ASMTL: variants seen among roughly 807,000 people sequenced by gnomAD.
ASMTL encodes the protein probable bifunctional dTTP/UTP pyrophosphatase/methyltransferase protein.
ASMTL carries 57 observed loss-of-function variants against 60.3 expected under a neutral mutation model. The ratio of observed to expected loss-of-function variants is 0.95; its 90% CI spans 0.76 to 1.18. ASMTL has a LOEUF of 1.18. Ranked by LOEUF, ASMTL falls within the 50% of genes most tolerant of loss-of-function variation. The pLI, the probability that ASMTL is intolerant of heterozygous loss-of-function variation, is 0.00. For synonymous variants in ASMTL, 419 were observed against 373.0 expected (o/e 1.12, Z -1.42); for missense variants, 981 against 852.6 (o/e 1.15, Z -1.88).
intron 1 of ASMTL, among the ~76,000 whole-genome samples, chrX:1,448,817 G>GCACTGCCATCTTGGACACA (rs1333586394): frequency 1.4e-4 from 21 of 150,170 alleles, no homozygotes; most frequent in African/African-American, 4.4e-4. Flanking sequence ...TCTTGGACAA[G>GCACTGCCATCTTGGACACA]CACTGCCATC....
At position 1,452,882 on chromosome X, in the gene ASMTL, G is replaced by A. The variant is rs1474353489; in HGVS notation, c.-42C>T. 3.5e-6 allele frequency: 5 copies of A among 1,429,398 alleles called. No homozygotes were observed. The highest frequency in any genetic ancestry group is 3.0e-5 in the African/African-American group (2 of 67,196). The allele number at this position is 1,429,398 out of a possible 1,614,324, so 88.5% of individuals were successfully genotyped here. A position where few individuals can be genotyped will look rare whatever the true frequency, so the allele number is the denominator to read the frequency against. On this transcript the variant is annotated 5_prime_UTR_variant, in exon 1 of 13. Coordinates refer to ENST00000381317, the MANE Select transcript of ASMTL (RefSeq NM_004192.4). Reference sequence around the variant, plus strand: ...GCCGGGCGTCCGCACTTCTGAGCCCGGAGCCCGCGGTGCGCGCAGCGCGGC... The same window carrying A: ...GCCGGGCGTCCGCACTTCTGAGCCCAGAGCCCGCGGTGCGCGCAGCGCGGC...
At chrX:1,406,907 CATAGATAGATGA>C (rs1195941202) in intron 12 of ASMTL, among the ~76,000 whole-genome samples, 2 of 113,614 alleles carry the variant, frequency 1.8e-5, no homozygotes, top group African/African-American at 7.2e-5. Flanking sequence ...ATGATGGGTA[CATAGATAGATGA>C]ATAGATGGAT....
intron 5 of ASMTL, among the ~76,000 whole-genome samples, chrX:1,434,629 C>A (rs1431137517): frequency 6.6e-6 from 1 of 151,206 alleles, no homozygotes; most frequent in African/African-American, 2.4e-5. Flanking sequence ...CATGGTGAAA[C>A]CCCGTCTCTA....
chrX:1,421,642 G>C lies in ASMTL; in HGVS notation c.1245+16C>G. ...GCACGCTAGACGGAAAGGTGTCCGC[G>C]GGGGTGTTATGCTACCTGGAACAGA... On this transcript the variant is annotated intron_variant, in intron 9 of 12. Transcript: ENST00000381317. The C allele has an allele frequency of 6.2e-7, 1 of 1,613,670 alleles. No homozygotes were observed. The highest frequency in any genetic ancestry group is 8.5e-7 in the Non-Finnish European group (1 of 1,179,682).
In ASMTL at chrX:1,421,647, T is replaced by G. The variant is rs769718552; in HGVS notation, c.1245+11A>C. Reference sequence around the variant, plus strand: ...CTAGACGGAAAGGTGTCCGCGGGGGTGTTATGCTACCTGGAACAGATCTTC... The same window carrying G: ...CTAGACGGAAAGGTGTCCGCGGGGGGGTTATGCTACCTGGAACAGATCTTC... On this transcript the variant is annotated intron_variant, in intron 9 of 12. Transcript: ENST00000381317. 2 of 1,613,458 alleles carry G rather than the reference T, an allele frequency of 1.2e-6. No individual in the cohort carries two copies. Among genetic ancestry groups the G allele is most frequent in the South Asian group, 2.2e-5 (2 of 91,042 alleles).
chrX:1,414,848 G>T (rs1296320634), intron 11 of ASMTL, among the ~76,000 whole-genome samples: 2 of 152,206 alleles, frequency 1.3e-5, no homozygotes, highest in African/African-American at 4.8e-5. Context: ...GGAACCTCTG[G>T]GGGAGGGTTG....
intron 1 of ASMTL, among the ~76,000 whole-genome samples, chrX:1,446,764 G>A (rs1196458932): frequency 1.3e-5 from 2 of 152,100 alleles, no homozygotes; most frequent in Non-Finnish European, 2.9e-5. Context: ...CTCCCAAACT[G>A]CTGGGATTAC....
intron 1 of ASMTL, among the ~76,000 whole-genome samples, chrX:1,448,300 ATAAG>A (rs2091274371): frequency 1.3e-5 from 2 of 148,986 alleles, no homozygotes; most frequent in Non-Finnish European, 3.0e-5. Flanking sequence ...GCCATCTTGG[ATAAG>A]CACCACCATC....
chrX:1,443,331 A>ACG (rs2091156401), intron 1 of ASMTL, among the ~76,000 whole-genome samples: 1 of 45,066 alleles, frequency 2.2e-5, no homozygotes, highest in African/African-American at 4.4e-5. Context: ...TTGGACACAC[A>ACG]CCGCCATCTT....
At chrX:1,410,741 G>C (rs757933747) in intron 12 of ASMTL, among the ~76,000 whole-genome samples, 1 of 38,782 alleles carries the variant, frequency 2.6e-5, no homozygotes, top group African/African-American at 7.2e-5. Context: ...AAATTAGCTG[G>C]GCATGGTGAT....
In ASMTL at chrX:1,427,907, C is replaced by T; in HGVS notation, c.724G>A (p.Glu242Lys). The change falls in exon 7 of 13, where the codon GAG becomes AAG. Residue 242 changes from glutamate to lysine, a missense_variant. Glu to Lys is a moderately conservative substitution (Grantham distance 56, BLOSUM62 1). Coordinates refer to ENST00000381317, the MANE Select transcript of ASMTL (RefSeq NM_004192.4). Reference protein sequence around the residue: ...ADTFEDLSDVEGGGSEPTQRD... With the variant: ...ADTFEDLSDVKGGGSEPTQRD... ...TGAGTGGGCTCCGAGCCGCCCCCCT[C>T]CACGTCACTGAGGTCTTCGAAGGTG... is the stretch of plus-strand genomic sequence containing the variant. 1 of 1,613,340 alleles carries T rather than the reference C, an allele frequency of 6.2e-7. No homozygotes were observed. Among genetic ancestry groups the T allele is most frequent in the South Asian group, 1.1e-5 (1 of 91,056 alleles).
intron 9 of ASMTL, among the ~76,000 whole-genome samples, chrX:1,420,210 C>T (rs2090442685): frequency 6.6e-6 from 1 of 151,762 alleles, no homozygotes; most frequent in Non-Finnish European, 1.5e-5. Context: ...CCCTGTCTCT[C>T]CATCTCTCTC....
At chrX:1,412,585 A>C in intron 12 of ASMTL, 147 bp downstream of exon 12, 1 of 1,050,814 alleles carries the variant, frequency 9.5e-7, no homozygotes, top group Non-Finnish European at 1.4e-6. Context: ...CTGGTCTGAA[A>C]CTCCTGACCT....
intron 12 of ASMTL, 39 bp downstream of exon 12, chrX:1,412,693 G>A (rs140236340): frequency 0.024 from 38,717 of 1,613,580 alleles, 640 homozygotes; most frequent in African/African-American, 0.07. Flanking sequence ...AAAATACTAC[G>A]TCTTAACAAA....
At chrX:1,422,639 G>A (rs1157777100) in intron 8 of ASMTL, among the ~76,000 whole-genome samples, 1 of 152,074 alleles carries the variant, frequency 6.6e-6, no homozygotes, top group African/African-American at 2.4e-5. Context: ...CCCGTATATG[G>A]AAACAGATGG....
chrX:1,414,825 A>G (rs762926878), intron 11 of ASMTL, among the ~76,000 whole-genome samples: 168 of 152,320 alleles, frequency 1.1e-3, no homozygotes, highest in African/African-American at 3.4e-3. Flanking sequence ...TTTAAAAACG[A>G]GAAAAGCATC....
In ASMTL at chrX:1,418,774, G is replaced by A. The variant is rs1244588368; in HGVS notation, c.1378+208C>T. On this transcript the variant is annotated intron_variant, in intron 10 of 12. Transcript: ENST00000381317. ...CTCCGCAGCCAAAAGAGAGGGCCCC[G>A]GAGTTTCTAGGGGGGCATTTAGGCA... Among the ~76,000 whole-genome samples the A allele has an allele frequency of 7.9e-5, 12 of 152,222 alleles. No homozygotes were observed. The East Asian group carries it at 1.7e-3, about 22-fold the overall frequency.
In ASMTL at chrX:1,428,130, G is replaced by A; in HGVS notation, c.510-9C>T. ...AGCCGCCAGCTTTGTCCCTGGGTGG[G>A]CAGGGGAAGGTAAGAGGTGACAAGG... On this transcript the variant is annotated splice_polypyrimidine_tract_variant and intron_variant, in intron 6 of 12. Transcript: ENST00000381317. 1 of 1,596,612 alleles carries A rather than the reference G, an allele frequency of 6.3e-7. No homozygotes were observed. Among genetic ancestry groups the A allele is most frequent in the Non-Finnish European group, 8.6e-7 (1 of 1,167,776 alleles).
rs1569532359 is a variant in ASMTL at position 1,418,004 on chromosome X, TC to T, written c.1490del (p.Gly497AspfsTer74). 7 of 1,613,094 alleles carry T rather than the reference TC, an allele frequency of 4.3e-6. No homozygotes were observed. In the South Asian group the frequency reaches 7.7e-5, roughly 18 times the overall value. ...IELAAHFQPP[G>X]PQAVQIHFAA... Reference sequence around the variant, plus strand: ...CGAAGTGGATCTGCACTGCCTGCGGTCCGGGGGGTTGGAAGTGGGCGGCCAG... The same window carrying T: ...CGAAGTGGATCTGCACTGCCTGCGGTCGGGGGGTTGGAAGTGGGCGGCCAG... On this transcript the variant is annotated frameshift_variant, in exon 11 of 13. Coordinates refer to ENST00000381317, the MANE Select transcript of ASMTL (RefSeq NM_004192.4). LOFTEE classifies it high-confidence loss of function.
Sources: allele counts gnomAD v4.1 joint callset (sites outside exome capture counted in the v4.1 genomes callset), GRCh38; gene constraint gnomAD v4.1.1; transcripts MANE v1.5; gene names NCBI Gene and HGNC (gene_info 2026-07-23, HGNC 2026-07-21).